Variants in GUCA1C observed in about 807,000 individuals in gnomAD.
GUCA1C encodes the protein guanylate cyclase activator 1C, also known as guanylyl cyclase-activating protein 3.
A neutral mutation model predicts 16.2 loss-of-function variants in GUCA1C; 15 were observed. The observed-to-expected ratio is 0.93, with a 90% CI of 0.62 to 1.43. GUCA1C has a LOEUF of 1.43. GUCA1C is among the 40% of genes most tolerant of loss of function. The pLI, the probability that GUCA1C is intolerant of heterozygous loss-of-function variation, is 0.00. For missense variants in GUCA1C, 275 were observed against 244.8 expected (o/e 1.12, Z -0.82); for synonymous variants, 78 against 85.4 (o/e 0.91, Z 0.48).
chr3:108,920,659 T>C (rs1946561790), intron 1 of GUCA1C, 74 bp from the exon 2 acceptor site: 1 of 804,546 alleles, frequency 1.2e-6, no homozygotes, highest in Non-Finnish European at 2.0e-6. Flanking sequence ...AACTCAGCAT[T>C]CGTGAGCAGG....
intron 1 of GUCA1C, among the ~76,000 whole-genome samples, chr3:108,948,030 C>T (rs913673894): frequency 1.3e-5 from 2 of 152,186 alleles, no homozygotes; most frequent in Admixed American, 6.5e-5. Flanking sequence ...GGGCTTTCTG[C>T]ATATAGCTGT....
intron 1 of GUCA1C, among the ~76,000 whole-genome samples, chr3:108,927,452 TCTGA>T (rs1946633386): frequency 6.7e-6 from 1 of 149,278 alleles, no homozygotes; most frequent in Admixed American, 6.6e-5. Flanking sequence ...TTTTTTTGTC[TCTGA>T]CTGATTGGGT....
At chr3:108,953,276 A>G (rs1179715541) in intron 1 of GUCA1C, among the ~76,000 whole-genome samples, 1 of 152,224 alleles carries the variant, frequency 6.6e-6, no homozygotes, top group Non-Finnish European at 1.5e-5. Context: ...TTTAAATGAT[A>G]GCATTAGAAT....
At chr3:108,931,361 G>T (rs939783708) in intron 1 of GUCA1C, among the ~76,000 whole-genome samples, 2 of 152,190 alleles carry the variant, frequency 1.3e-5, no homozygotes, top group Admixed American at 6.5e-5. Flanking sequence ...AGAGCTCTGG[G>T]CAAGCCCTTA....
chr3:108,922,156 CACAA>C (rs1425354085), intron 1 of GUCA1C, among the ~76,000 whole-genome samples: 4 of 17,144 alleles, frequency 2.3e-4, no homozygotes, highest in East Asian at 5.1e-4. Context: ...CACACACATA[CACAA>C]ACACACACAC....
chr3:108,937,665 C>A (rs1273210972), intron 1 of GUCA1C, among the ~76,000 whole-genome samples: 1 of 152,134 alleles, frequency 6.6e-6, no homozygotes, highest in Non-Finnish European at 1.5e-5. Context: ...CCATATAAGA[C>A]CAGGCACTGT....
chr3:108,942,897 T>C (rs1946801865), intron 1 of GUCA1C, among the ~76,000 whole-genome samples: 1 of 152,194 alleles, frequency 6.6e-6, no homozygotes, highest in South Asian at 2.1e-4. Context: ...GAGATAATAA[T>C]ACAGATGTTA....
chr3:108,939,350 G>GTTTTTTTTTTT (rs1946762720), intron 1 of GUCA1C, among the ~76,000 whole-genome samples: 1 of 3,426 alleles, frequency 2.9e-4, no homozygotes. Flanking sequence ...TTTTTTTTTT[G>GTTTTTTTTTTT]AGACGGAATC....
chr3:108,912,286 A>C (rs968051442), intron 3 of GUCA1C, among the ~76,000 whole-genome samples: 10 of 151,882 alleles, frequency 6.6e-5, no homozygotes, highest in Middle Eastern at 3.4e-3. Flanking sequence ...TCCCTAAATC[A>C]TGTCAAGAAT....
intron 1 of GUCA1C, among the ~76,000 whole-genome samples, chr3:108,927,395 C>T (rs1946632173): frequency 6.6e-6 from 1 of 151,438 alleles, no homozygotes; most frequent in Non-Finnish European, 1.5e-5. Flanking sequence ...TAACATAGTC[C>T]CAAACTTCTT....
At chr3:108,915,511 A>G (rs1946499307) in intron 3 of GUCA1C, among the ~76,000 whole-genome samples, 1 of 152,024 alleles carries the variant, frequency 6.6e-6, no homozygotes, top group South Asian at 2.1e-4. Context: ...CTTCACTCCT[A>G]CCTCTGAAGA....
At position 108,953,706 on chromosome 3, in the gene GUCA1C, G is replaced by T. The variant is rs754801481; in HGVS notation, c.57C>A (p.Thr19=). 2 of 1,611,570 alleles carry T rather than the reference G, an allele frequency of 1.2e-6. No homozygotes were observed. The highest frequency in any genetic ancestry group is 1.3e-5 in the African/African-American group (1 of 74,848). ...GDQKAVPTQE[T]HVWYRTFMME... ...TCATAAATGTTCTGTACCACACATG[G>T]GTCTCTTGTGTAGGAACTGCTTTCT... Residue 19 remains threonine, a synonymous_variant, in exon 1 of 4, where the codon ACC becomes ACA. Coordinates refer to ENST00000261047, the MANE Select transcript of GUCA1C (RefSeq NM_005459.4).
chr3:108,948,033 A>G (rs1286747689), intron 1 of GUCA1C, among the ~76,000 whole-genome samples: 2 of 152,112 alleles, frequency 1.3e-5, no homozygotes, highest in Admixed American at 6.5e-5. Flanking sequence ...CTTTCTGCAT[A>G]TAGCTGTTGA....
chr3:108,913,333 A>G (rs533917138), intron 3 of GUCA1C, among the ~76,000 whole-genome samples: 12 of 152,144 alleles, frequency 7.9e-5, no homozygotes, highest in African/African-American at 2.9e-4. Flanking sequence ...AACAATGATA[A>G]TGAACAATAA....
At chr3:108,922,492 C>T (rs1482750477) in intron 1 of GUCA1C, among the ~76,000 whole-genome samples, 1 of 152,098 alleles carries the variant, frequency 6.6e-6, no homozygotes, top group Non-Finnish European at 1.5e-5. Context: ...TGCATCCACA[C>T]CAACATTTGT....
In GUCA1C at chr3:108,908,105, A is replaced by G. The variant is rs202047632; in HGVS notation, c.547T>C (p.Cys183Arg). 1.9e-5 allele frequency: 30 copies of G among 1,613,862 alleles called. No homozygotes were observed. Among genetic ancestry groups the G allele is most frequent in the Non-Finnish European group, 2.5e-5 (29 of 1,179,748 alleles). The change falls in exon 4 of 4, where the codon TGT (cysteine) becomes CGT (arginine). Residue 183 changes from cysteine to arginine, a missense_variant. By Grantham distance (180) the Cys-to-Arg change is radical. Coordinates refer to ENST00000261047, the MANE Select transcript of GUCA1C (RefSeq NM_005459.4). ...FDFSNVLRVICNGKQPDMETD... is the reference protein window; with the variant it reads ...FDFSNVLRVIRNGKQPDMETD... ...TCCATGTCTGGCTGCTTCCCATTAC[A>G]GATTACTCTCAGCACATTGGAGAAG...
At chr3:108,910,915 G>T (rs146846603) in intron 3 of GUCA1C, among the ~76,000 whole-genome samples, 1,943 of 152,166 alleles carry the variant, frequency 0.013, 42 homozygotes, top group African/African-American at 0.045. Context: ...CCCCCAAAGT[G>T]CTGGGATTAC....
intron 1 of GUCA1C, among the ~76,000 whole-genome samples, chr3:108,945,978 G>A (rs527926677): frequency 6.6e-6 from 1 of 152,202 alleles, no homozygotes; most frequent in African/African-American, 2.4e-5. Context: ...ATTGGCCACC[G>A]CGCGAGTATT....
At chr3:108,914,855 C>A (rs1254636269) in intron 3 of GUCA1C, among the ~76,000 whole-genome samples, 5 of 152,326 alleles carry the variant, frequency 3.3e-5, no homozygotes, top group East Asian at 3.9e-4. Context: ...CCTTTCCTGG[C>A]TGCACGTAGC....
Sources: gnomAD v4.1 joint callset for allele counts (sites outside exome capture counted in the v4.1 genomes callset) on GRCh38, gnomAD v4.1.1 for gene constraint, MANE v1.5 for transcripts, NCBI Gene and HGNC (gene_info 2026-07-23, HGNC 2026-07-21) for gene names.